The following PCDH15 variants were observed in gnomAD, a reference collection of about 807,000 sequenced individuals.
PCDH15 encodes the protein protocadherin-15.
PCDH15 carries 129 observed loss-of-function variants against 178.5 expected under a neutral mutation model. That is an observed-to-expected ratio of 0.72 (90% CI 0.63 to 0.84). The LOEUF (loss-of-function observed/expected upper bound fraction) is 0.84. PCDH15 is among the 40% of genes least tolerant of loss of function. The pLI is 0.00. For missense variants in PCDH15, 2,230 were observed against 2,099.9 expected (o/e 1.06, Z -1.21); for synonymous variants, 800 against 732.0 (o/e 1.09, Z -1.50).
chr10:54,490,162 A>G (rs1375571076), intron 3 of PCDH15, among the ~76,000 whole-genome samples: 1 of 152,202 alleles, frequency 6.6e-6, no homozygotes, highest in Non-Finnish European at 1.5e-5. Flanking sequence ...TTTAAAAGTT[A>G]GCATATGGCT....
intron 23 of PCDH15, among the ~76,000 whole-genome samples, chr10:53,946,624 A>G (rs1472236703): frequency 6.6e-6 from 1 of 152,212 alleles, no homozygotes; most frequent in Non-Finnish European, 1.5e-5. Flanking sequence ...AAATAACTGC[A>G]CTTTTGTAAG....
intron 1 of PCDH15, among the ~76,000 whole-genome samples, chr10:54,778,753 A>T (rs954816686): frequency 2.6e-5 from 4 of 152,096 alleles, no homozygotes; most frequent in African/African-American, 9.7e-5. Context: ...TGAATCTCAC[A>T]TTCATTACTA....
chr10:54,494,163 C>G (rs1026631369), intron 3 of PCDH15, among the ~76,000 whole-genome samples: 2 of 151,598 alleles, frequency 1.3e-5, no homozygotes, highest in Non-Finnish European at 2.9e-5. Context: ...GTGCAGCACA[C>G]CAGCATGGCA....
chr10:54,474,106 C>CA (rs1189221126), intron 3 of PCDH15, among the ~76,000 whole-genome samples: 27 of 151,514 alleles, frequency 1.8e-4, no homozygotes, highest in Non-Finnish European at 1.2e-4. Flanking sequence ...ATTCGAATTG[C>CA]AAAAAAATTT....
intron 3 of PCDH15, among the ~76,000 whole-genome samples, chr10:54,865,209 T>G (rs1157343810): frequency 6.6e-6 from 1 of 152,170 alleles, no homozygotes; most frequent in Non-Finnish European, 1.5e-5. Context: ...TCCAATCAGC[T>G]GCCAGTGTGG....
At chr10:55,398,877 C>G (rs1837992735) in intron 2 of PCDH15, among the ~76,000 whole-genome samples, 3 of 151,768 alleles carry the variant, frequency 2.0e-5, no homozygotes, top group Non-Finnish European at 4.4e-5. Context: ...ATAAACTAAT[C>G]AGAAAAAATA....
At chr10:54,120,855 C>T (rs147808829) in intron 15 of PCDH15, among the ~76,000 whole-genome samples, 120 of 152,150 alleles carry the variant, frequency 7.9e-4, no homozygotes, top group Non-Finnish European at 1.3e-3. Flanking sequence ...GAGATCAAGA[C>T]CCCACTGACA....
At chr10:54,439,765 AT>A (rs1051871913) in intron 3 of PCDH15, among the ~76,000 whole-genome samples, 1 of 152,024 alleles carries the variant, frequency 6.6e-6, no homozygotes, top group African/African-American at 2.4e-5. Flanking sequence ...TTGACTCTAG[AT>A]TTTTTATAAA....
At chr10:54,420,845 T>C (rs1342478849) in intron 3 of PCDH15, among the ~76,000 whole-genome samples, 1 of 152,082 alleles carries the variant, frequency 6.6e-6, no homozygotes, top group Non-Finnish European at 1.5e-5. Flanking sequence ...ATAAATATGA[T>C]ATGCATAAAT....
At chr10:54,962,220 A>G (rs1044695315) in intron 2 of PCDH15, among the ~76,000 whole-genome samples, 1 of 152,154 alleles carries the variant, frequency 6.6e-6, no homozygotes, top group African/African-American at 2.4e-5. Flanking sequence ...CGTTTCTGGG[A>G]GCCCAGACCT....
intron 1 of PCDH15, among the ~76,000 whole-genome samples, chr10:54,702,542 AC>A (rs1398610210): frequency 1.7e-5 from 2 of 114,338 alleles, no homozygotes; most frequent in Non-Finnish European, 3.8e-5. Flanking sequence ...CCACAGAAAT[AC>A]AAAAAAAAAA....
At chr10:54,293,587 C>A (rs970473697) in intron 8 of PCDH15, among the ~76,000 whole-genome samples, 1 of 152,118 alleles carries the variant, frequency 6.6e-6, no homozygotes, top group African/African-American at 2.4e-5. Flanking sequence ...GGGCTAATAT[C>A]CAGAATCTAC....
chr10:54,853,928 A>G (rs912060462), intron 3 of PCDH15, among the ~76,000 whole-genome samples: 11 of 152,252 alleles, frequency 7.2e-5, no homozygotes, highest in African/African-American at 2.4e-4. Context: ...CTTTTGCCCA[A>G]GTTTTGCTCA....
chr10:54,634,269 A>G (rs1055336843), intron 2 of PCDH15, among the ~76,000 whole-genome samples: 4 of 152,102 alleles, frequency 2.6e-5, no homozygotes, highest in African/African-American at 9.7e-5. Flanking sequence ...GAAACTTTTT[A>G]TAAGGTAAAT....
chr10:54,625,211 T>C (rs1279317037), intron 2 of PCDH15, among the ~76,000 whole-genome samples: 1 of 152,006 alleles, frequency 6.6e-6, no homozygotes, highest in Non-Finnish European at 1.5e-5. Context: ...GACTGGGAAA[T>C]AGAGGCCCTA....
At chr10:55,199,133 C>A (rs1231642383) in intron 1 of PCDH15, among the ~76,000 whole-genome samples, 1 of 151,918 alleles carries the variant, frequency 6.6e-6, no homozygotes, top group Non-Finnish European at 1.5e-5. Context: ...CAGAAGAAGA[C>A]AGGGAAATGA....
intron 8 of PCDH15, among the ~76,000 whole-genome samples, chr10:54,264,034 G>C (rs11004186): frequency 0.1 from 15,194 of 152,080 alleles, 1,542 homozygotes; most frequent in African/African-American, 0.26. Context: ...ACTTACACCA[G>C]TGGTTTGCCA....
chr10:55,065,611 T>C (rs942181089), intron 2 of PCDH15, among the ~76,000 whole-genome samples: 1 of 152,092 alleles, frequency 6.6e-6, no homozygotes, highest in Non-Finnish European at 1.5e-5. Flanking sequence ...TCCTTACCAA[T>C]GCCCTTCTGC....
At chr10:55,009,258 G>A (rs565277373) in intron 2 of PCDH15, among the ~76,000 whole-genome samples, 2 of 151,908 alleles carry the variant, frequency 1.3e-5, no homozygotes, top group East Asian at 3.9e-4. Flanking sequence ...AGATGTGTGT[G>A]TGTGTGTGTG....
Sources: gnomAD v4.1 joint callset for allele counts (sites outside exome capture counted in the v4.1 genomes callset) on GRCh38, gnomAD v4.1.1 for gene constraint, MANE v1.5 for transcripts, NCBI Gene and HGNC (gene_info 2026-07-23, HGNC 2026-07-21) for gene names.